The following GALNT13 variants were observed in gnomAD, a reference collection of about 807,000 sequenced individuals.
The protein encoded by GALNT13 is polypeptide N-acetylgalactosaminyltransferase 13, also known as UDP-GalNAc:polypeptide N-acetylgalactosaminyltransferase 13.
Under a neutral mutation model 64.2 loss-of-function variants are expected in GALNT13, and 28 were observed. The ratio of observed to expected loss-of-function variants is 0.44; its 90% CI spans 0.32 to 0.60. The LOEUF is 0.60. Among genes scored for constraint, GALNT13 ranks in the 20% least tolerant of loss-of-function variants. The probability of loss-of-function intolerance (pLI) is 0.05; values close to 1 mark genes in which losing one functional copy is unlikely to be tolerated. For synonymous variants in GALNT13, 214 were observed against 224.6 expected, an observed-to-expected ratio of 0.95 and a Z score of 0.42; for missense variants, 577 against 669.8, an observed-to-expected ratio of 0.86 and a Z score of 1.53.
intron 4 of GALNT13, among the ~76,000 whole-genome samples, chr2:154,237,972 C>T (rs1689285660): frequency 6.6e-6 from 1 of 151,934 alleles, no homozygotes; most frequent in Non-Finnish European, 1.5e-5. Flanking sequence ...GCCTGTTAAT[C>T]AACAGCTGAC....
upstream of GALNT13, among the ~76,000 whole-genome samples, chr2:153,870,856 A>C (rs1685878211): frequency 6.6e-6 from 1 of 151,798 alleles, no homozygotes; most frequent in African/African-American, 2.4e-5. Context: ...GTGAAGTGAC[A>C]CTGTGAGAAG....
chr2:154,005,498 G>A (rs1347457043), intron 3 of GALNT13, among the ~76,000 whole-genome samples: 1 of 152,074 alleles, frequency 6.6e-6, no homozygotes, highest in East Asian at 1.9e-4. Context: ...TTGCAATGTG[G>A]TTGGAATTTA....
chr2:154,446,511 T>G (rs891507734), intron 12 of GALNT13: 2 of 1,463,114 alleles, frequency 1.4e-6, no homozygotes, highest in African/African-American at 2.9e-5. Context: ...GATGATTGAT[T>G]TATTACTGTC....
At chr2:153,574,840 A>G in the GALNT13 span, among the ~76,000 whole-genome samples, 1 of 151,220 alleles carries the variant, frequency 6.6e-6, no homozygotes, top group Non-Finnish European at 1.5e-5. Flanking sequence ...GAAGGATTGC[A>G]TATTTCTGTT....
At chr2:153,608,625 A>G in the GALNT13 span, among the ~76,000 whole-genome samples, 1 of 148,942 alleles carries the variant, frequency 6.7e-6, no homozygotes, top group Non-Finnish European at 1.5e-5. Context: ...ATATACATAT[A>G]TTTCTCTCTT....
At chr2:154,018,258 G>T (rs193242537) in intron 3 of GALNT13, among the ~76,000 whole-genome samples, 16 of 152,244 alleles carry the variant, frequency 1.1e-4, no homozygotes, top group African/African-American at 3.9e-4. Flanking sequence ...TATTGTCAGG[G>T]TTTATTCCGT....
chr2:154,194,795 T>C (rs1429176343), intron 4 of GALNT13, among the ~76,000 whole-genome samples: 1 of 151,926 alleles, frequency 6.6e-6, no homozygotes, highest in Non-Finnish European at 1.5e-5. Context: ...ATTAAGCAAC[T>C]TGCCTAAAGC....
the GALNT13 span, among the ~76,000 whole-genome samples, chr2:153,126,319 TA>T: frequency 0.1 from 11,989 of 115,614 alleles, 866 homozygotes; most frequent in African/African-American, 0.14. Flanking sequence ...TATATATATA[TA>T]TATATATATA....
chr2:153,827,891 A>G, the GALNT13 span, among the ~76,000 whole-genome samples: 7 of 152,242 alleles, frequency 4.6e-5, no homozygotes, highest in Non-Finnish European at 1.0e-4. Context: ...ATGGGTGTAC[A>G]GGCATTGGGT....
At chr2:154,057,470 A>G (rs1699951788) in intron 3 of GALNT13, among the ~76,000 whole-genome samples, 1 of 152,200 alleles carries the variant, frequency 6.6e-6, no homozygotes, top group Non-Finnish European at 1.5e-5. Flanking sequence ...ATATTTATGT[A>G]GTACTGACTT....
At position 154,367,852 on chromosome 2, in the gene GALNT13, A is replaced by G. The variant is rs549801156; in HGVS notation, c.1157-28139A>G. Among the ~76,000 whole-genome samples, 10 of 152,348 alleles carry G rather than the reference A, an allele frequency of 6.6e-5. No individual in the cohort carries two copies. The East Asian group carries it at 1.7e-3, about 26-fold the overall frequency. On this transcript the variant is annotated intron_variant, in intron 9 of 12. Transcript: ENST00000392825. ...TCTCTGAAGCAGAATAATTTATGGA[A>G]CAAAAGCAGTTAAGGATGAAAACAT...
At chr2:153,819,028 T>C in the GALNT13 span, among the ~76,000 whole-genome samples, 1 of 152,098 alleles carries the variant, frequency 6.6e-6, no homozygotes, top group African/African-American at 2.4e-5. Flanking sequence ...CAGCGGGCCA[T>C]GTATTGTGCT....
the GALNT13 span, among the ~76,000 whole-genome samples, chr2:153,122,979 G>A: frequency 6.6e-6 from 1 of 151,988 alleles, no homozygotes; most frequent in African/African-American, 2.4e-5. Context: ...GGGAACTGGA[G>A]GTACAAAGGA....
chr2:153,181,492 C>G, the GALNT13 span, among the ~76,000 whole-genome samples: 3 of 151,338 alleles, frequency 2.0e-5, no homozygotes, highest in African/African-American at 7.3e-5. Flanking sequence ...TGCTGTTGGA[C>G]AGAGTAATCT....
At chr2:153,532,224 G>A in the GALNT13 span, among the ~76,000 whole-genome samples, 3 of 152,070 alleles carry the variant, frequency 2.0e-5, no homozygotes, top group Non-Finnish European at 4.4e-5. Flanking sequence ...AAACCTAGGA[G>A]GCTCCCAGAT....
the GALNT13 span, among the ~76,000 whole-genome samples, chr2:153,371,905 G>C: frequency 3.9e-5 from 6 of 152,258 alleles, no homozygotes; most frequent in East Asian, 9.7e-4. Flanking sequence ...GTTTTGATGA[G>C]GCTTGTGCAT....
the GALNT13 span, among the ~76,000 whole-genome samples, chr2:153,240,050 G>T: frequency 6.6e-6 from 1 of 152,082 alleles, no homozygotes; most frequent in Non-Finnish European, 1.5e-5. Flanking sequence ...ATCTTGGTAG[G>T]TTGGTTATCT....
At chr2:153,848,465 A>G in the GALNT13 span, among the ~76,000 whole-genome samples, 1 of 150,694 alleles carries the variant, frequency 6.6e-6, no homozygotes, top group East Asian at 1.9e-4. Context: ...GCAAAGAAGT[A>G]GAAAGCAGAA....
At chr2:154,328,458 C>T (rs1326679602) in intron 9 of GALNT13, among the ~76,000 whole-genome samples, 1 of 152,034 alleles carries the variant, frequency 6.6e-6, no homozygotes, top group Non-Finnish European at 1.5e-5. Flanking sequence ...TGCATTGTCT[C>T]AAACTATATG....
Sources: allele counts gnomAD v4.1 joint callset (sites outside exome capture counted in the v4.1 genomes callset), GRCh38; gene constraint gnomAD v4.1.1; transcripts MANE v1.5; gene names NCBI Gene and HGNC (gene_info 2026-07-23, HGNC 2026-07-21).